The following RYR2 variants were observed in gnomAD, a reference collection of about 807,000 sequenced individuals.
The protein encoded by RYR2 is ryanodine receptor 2, also known as cardiac muscle ryanodine receptor-calcium release channel.
In RYR2, 227 loss-of-function variants were observed where a neutral mutation model predicts 601.1. The observed-to-expected ratio is 0.38, with a 90% CI of 0.34 to 0.42. The LOEUF is 0.42. Ranked by LOEUF, RYR2 falls within the 10% of genes least tolerant of loss-of-function variation. The pLI, the probability that RYR2 is intolerant of heterozygous loss-of-function variation, is 1.00. For synonymous variants in RYR2, 2,223 were observed against 2,175.1 expected (o/e 1.02, Z -0.61); for missense variants, 4,646 against 6,156.5 (o/e 0.75, Z 8.21).
At chr1:237,567,391 C>T (rs12138181) in intron 28 of RYR2, among the ~76,000 whole-genome samples, 30,907 of 101,430 alleles carry the variant, frequency 0.3, 3,551 homozygotes, top group East Asian at 0.49. Flanking sequence ...CCAGCCTGGG[C>T]AACAAAGTAA....
At chr1:237,248,691 G>GT (rs1170472923) in intron 1 of RYR2, among the ~76,000 whole-genome samples, 1 of 151,818 alleles carries the variant, frequency 6.6e-6, no homozygotes, top group East Asian at 1.9e-4. Flanking sequence ...GTACTGAGAG[G>GT]TTTTTTAAAG....
At position 237,819,547 on chromosome 1, in the gene RYR2, G is replaced by A. The variant is rs6678561; in HGVS notation, c.14590+355G>A. 0.41 allele frequency among the ~76,000 whole-genome samples: 62,537 copies of A among 151,988 alleles called. 13,134 individuals carry two copies. Among genetic ancestry groups the A allele is most frequent in the African/African-American group, 0.48 (19,778 of 41,418 alleles). On this transcript the variant is annotated intron_variant, in intron 101 of 104. Coordinates refer to ENST00000366574, the MANE Select transcript of RYR2 (RefSeq NM_001035.3). This position sits in a 1 kb window ranked among gnomAD's most constrained non-coding sequence, Gnocchi z 4.0. ...TTAAACTTCTAAGCCAGCTGGGTGC[G>A]GTGGCTCATGCCTGTAATCCAAGCA...
intron 2 of RYR2, among the ~76,000 whole-genome samples, chr1:237,281,487 C>A (rs994734480): frequency 2.6e-5 from 4 of 152,176 alleles, no homozygotes; most frequent in African/African-American, 4.8e-5. Flanking sequence ...TTGGAAAAAA[C>A]CTACCTGGAG....
intron 10 of RYR2, among the ~76,000 whole-genome samples, chr1:237,406,612 GC>G (rs1703932762): frequency 1.3e-5 from 2 of 151,798 alleles, no homozygotes; most frequent in Admixed American, 1.3e-4. Context: ...GAGAAAAAAT[GC>G]CCTAAAAACT....
chr1:237,537,700 A>T (rs995439555), intron 25 of RYR2, among the ~76,000 whole-genome samples: 24 of 152,340 alleles, frequency 1.6e-4, no homozygotes, highest in South Asian at 4.1e-4. Context: ...TTCAAAGGAC[A>T]AATCTCAAAA....
At chr1:237,727,899 G>A (rs1049047944) in intron 76 of RYR2, among the ~76,000 whole-genome samples, 1 of 151,998 alleles carries the variant, frequency 6.6e-6, no homozygotes, top group African/African-American at 2.4e-5. Flanking sequence ...GGAGTTCTCT[G>A]AGAAACTATG....
chr1:237,522,111 C>G (rs1040812274), intron 24 of RYR2, among the ~76,000 whole-genome samples: 4 of 152,148 alleles, frequency 2.6e-5, no homozygotes, highest in East Asian at 1.9e-4. Context: ...CTAATGCTAT[C>G]CCTCCCCGCT....
At chr1:237,228,711 T>C (rs565081928) in intron 1 of RYR2, among the ~76,000 whole-genome samples, 1 of 152,298 alleles carries the variant, frequency 6.6e-6, no homozygotes, top group South Asian at 2.1e-4. Context: ...GATTTAACCT[T>C]TCTGTGCCTT....
At chr1:237,799,837 C>G (rs1659738621) in intron 97 of RYR2, among the ~76,000 whole-genome samples, 1 of 152,160 alleles carries the variant, frequency 6.6e-6, no homozygotes, top group Admixed American at 6.5e-5. Context: ...TAGCTGCAAG[C>G]AGTCTGGAAG....
chr1:237,821,820 G>A (rs987184964), intron 101 of RYR2, among the ~76,000 whole-genome samples: 1 of 151,774 alleles, frequency 6.6e-6, no homozygotes, highest in African/African-American at 2.4e-5. Flanking sequence ...CCAGATTAGA[G>A]GAGAACATAA....
In RYR2 at chr1:237,364,514, A is replaced by G. The variant is rs556052615; in HGVS notation, c.309+142A>G. 4 of 383,412 alleles carry G rather than the reference A, an allele frequency of 1.0e-5. No individual in the cohort carries two copies. The Admixed American group carries it at 1.4e-4, about 13-fold the overall frequency. 23.8% of individuals were successfully genotyped at this position (383,412 alleles called of 1,614,324 possible). The stretch of plus-strand genomic sequence containing the variant: ...ATATATTACTATATATCAGCTATAT[A>G]TATGTGGTACTTTGTATGTTTTCTG... On this transcript the variant is annotated intron_variant, in intron 5 of 104. Transcript: ENST00000366574.
At chr1:237,209,229 G>A (rs972992227) in intron 1 of RYR2, among the ~76,000 whole-genome samples, 3 of 150,876 alleles carry the variant, frequency 2.0e-5, no homozygotes, top group African/African-American at 4.9e-5. Flanking sequence ...AAGTGCTAAT[G>A]ATATATAAAG....
At chr1:237,126,265 C>T (rs1311361088) in intron 1 of RYR2, among the ~76,000 whole-genome samples, 3 of 151,342 alleles carry the variant, frequency 2.0e-5, no homozygotes, top group African/African-American at 7.3e-5. Flanking sequence ...GAATAGTTGG[C>T]AGAAAACCCT....
At chr1:237,210,634 G>GT (rs1682470083) in intron 1 of RYR2, among the ~76,000 whole-genome samples, 1 of 152,158 alleles carries the variant, frequency 6.6e-6, no homozygotes, top group Non-Finnish European at 1.5e-5. Context: ...CCTGGTCTTT[G>GT]TTTTTTCTCA....
chr1:237,619,484 A>G (rs74147121), intron 38 of RYR2, among the ~76,000 whole-genome samples: 2,610 of 152,308 alleles, frequency 0.017, 75 homozygotes, highest in African/African-American at 0.058. Context: ...TGAAGAAAAG[A>G]TGAAGATGAA....
intron 47 of RYR2, among the ~76,000 whole-genome samples, chr1:237,642,087 A>C (rs533624650): frequency 3.2e-4 from 49 of 152,328 alleles, no homozygotes; most frequent in Middle Eastern, 6.8e-3. Context: ...GTGCTGGGGT[A>C]GTTAAGAACT....
intron 63 of RYR2, among the ~76,000 whole-genome samples, chr1:237,693,333 A>G (rs1021230466): frequency 2.6e-5 from 4 of 152,174 alleles, no homozygotes; most frequent in African/African-American, 7.2e-5. Flanking sequence ...TCAACCAACA[A>G]TGATCCTTTC....
intron 22 of RYR2, among the ~76,000 whole-genome samples, 166 bp from the exon 23 acceptor site, chr1:237,506,542 GGA>G (rs1665279883): frequency 7.1e-6 from 1 of 140,092 alleles, no homozygotes; most frequent in African/African-American, 2.8e-5. Flanking sequence ...CGTCTCAAGG[GGA>G]AAAAAAAAAA....
Position 237,255,001 on chromosome 1 carries a change from C to G in RYR2, c.49-15496C>G, listed in dbSNP as rs574390512. Among the ~76,000 whole-genome samples the G allele has an allele frequency of 3.9e-5, 6 of 152,146 alleles. No individual in the cohort carries two copies. The South Asian group carries it at 1.2e-3, about 31-fold the overall frequency. On this transcript the variant is annotated intron_variant, in intron 1 of 104. Coordinates refer to ENST00000366574, the MANE Select transcript of RYR2 (RefSeq NM_001035.3). The stretch of plus-strand genomic sequence containing the variant: ...TTTCTTTAACAGCCATTTCTTTGGG[C>G]CTGTTCTACTTTAGGTATGAGAGGC...
Sources: allele counts gnomAD v4.1 joint callset (sites outside exome capture counted in the v4.1 genomes callset), GRCh38; gene constraint gnomAD v4.1.1; non-coding constraint Gnocchi (gnomAD v3.1); transcripts MANE v1.5; gene names NCBI Gene and HGNC (gene_info 2026-07-23, HGNC 2026-07-21).